The following WASHC5 variants were observed in gnomAD, a reference collection of about 807,000 sequenced individuals.
WASHC5 encodes the protein WASH complex subunit 5.
A neutral mutation model predicts 150.4 loss-of-function variants in WASHC5; 101 were observed. The observed-to-expected ratio is 0.67, with a 90% CI of 0.57 to 0.79. The LOEUF is 0.79. WASHC5 is among the 30% of genes least tolerant of loss of function. The probability of loss-of-function intolerance (pLI) is 0.00; values close to 1 mark genes in which losing one functional copy is unlikely to be tolerated. For synonymous variants in WASHC5, 467 were observed against 491.2 expected (o/e 0.95, Z 0.65); for missense variants, 1,195 against 1,396.3 (o/e 0.86, Z 2.30).
At chr8:125,084,304 C>T (rs145332533) in intron 1 of WASHC5, among the ~76,000 whole-genome samples, 4 of 152,184 alleles carry the variant, frequency 2.6e-5, no homozygotes, top group South Asian at 4.1e-4. Flanking sequence ...AACCACTGGG[C>T]ATGTGTGGTT....
rs1170652470 is a variant in WASHC5 at position 125,055,588 on chromosome 8, T to C, written c.2097+3A>G. On this transcript the variant is annotated splice_donor_region_variant and intron_variant, in intron 17 of 28. Transcript: ENST00000318410. ...AGGCCACGCAGACTAACAAAACTGTTACCTTGATGATGCCAACCAAAGTCG... is the reference window on the plus strand; with the variant it reads ...AGGCCACGCAGACTAACAAAACTGTCACCTTGATGATGCCAACCAAAGTCG... The C allele has an allele frequency of 4.8e-5, 76 of 1,592,714 alleles. No individual in the cohort carries two copies. The highest frequency in any genetic ancestry group is 6.5e-5 in the Non-Finnish European group (76 of 1,160,564).
intron 27 of WASHC5, among the ~76,000 whole-genome samples, chr8:125,030,709 C>G (rs1474159862): frequency 1.3e-5 from 2 of 150,326 alleles, no homozygotes; most frequent in Admixed American, 6.6e-5. Flanking sequence ...CACAGAGGGC[C>G]CAGAATGAAG....
At chr8:125,063,172 C>CA (rs142780726) in intron 11 of WASHC5, among the ~76,000 whole-genome samples, 3,987 of 152,206 alleles carry the variant, frequency 0.026, 176 homozygotes, top group African/African-American at 0.092. Context: ...CCCCAAATCA[C>CA]TAAACTGACA....
At chr8:125,068,446 C>T (rs1181333628) in intron 9 of WASHC5, among the ~76,000 whole-genome samples, 1 of 152,204 alleles carries the variant, frequency 6.6e-6, no homozygotes, top group African/African-American at 2.4e-5. Context: ...CCCTGTGGGA[C>T]TCCACTGGGA....
intron 27 of WASHC5, among the ~76,000 whole-genome samples, chr8:125,028,945 G>A (rs533496633): frequency 6.6e-6 from 1 of 151,738 alleles, no homozygotes; most frequent in East Asian, 1.9e-4. Context: ...TTTACAACAC[G>A]ATCCCTGCTA....
chr8:125,026,161 A>G (rs78559878), intron 28 of WASHC5, among the ~76,000 whole-genome samples: 93 of 152,346 alleles, frequency 6.1e-4, no homozygotes, highest in African/African-American at 2.2e-3. Flanking sequence ...CACCAACCTG[A>G]TAAGTGGAAA....
chr8:125,074,919 G>T, intron 8 of WASHC5, 79 bp downstream of exon 8: 1 of 862,198 alleles, frequency 1.2e-6, no homozygotes, highest in Non-Finnish European at 2.0e-6. Context: ...CAAATTCCTT[G>T]GGAAATCTAC....
intron 18 of WASHC5, among the ~76,000 whole-genome samples, chr8:125,049,841 A>C (rs1411917123): frequency 6.6e-6 from 1 of 152,122 alleles, no homozygotes; most frequent in East Asian, 1.9e-4. Context: ...ACTTTGTCTC[A>C]ATCAATCAAT....
intron 24 of WASHC5, among the ~76,000 whole-genome samples, 153 bp downstream of exon 24, chr8:125,039,642 G>A (rs1342907923): frequency 6.6e-6 from 1 of 152,102 alleles, no homozygotes; most frequent in Non-Finnish European, 1.5e-5. Context: ...AAGAGGCTCC[G>A]AAGACAGATT....
At chr8:125,030,258 G>C (rs1815488435) in intron 27 of WASHC5, among the ~76,000 whole-genome samples, 1 of 152,166 alleles carries the variant, frequency 6.6e-6, no homozygotes, top group Non-Finnish European at 1.5e-5. Context: ...CCTCCTCTCT[G>C]GGAGCCTGGG....
At chr8:125,071,702 T>C (rs1341093398) in intron 9 of WASHC5, among the ~76,000 whole-genome samples, 1 of 152,192 alleles carries the variant, frequency 6.6e-6, no homozygotes, top group Non-Finnish European at 1.5e-5. Flanking sequence ...ACCTGGTGTC[T>C]GTTTACTGCC....
rs755321757 is a variant in WASHC5, at chr8:125,038,886, A to G, written c.3028T>C (p.Leu1010=). The change falls in exon 25 of 29, where the codon TTA becomes CTA. Residue 1010 remains leucine, a synonymous_variant. Transcript: ENST00000318410. ...LPYPKEDNTL[L]YEITAYLEAA... ...TCCAGATAGGCTGTGATTTCATATA[A>G]AAGTGTGTTATCTTCTTTGGGGTAA... 1 of 1,614,118 alleles carries G rather than the reference A, an allele frequency of 6.2e-7. No homozygotes were observed. The highest frequency in any genetic ancestry group is 8.5e-7 in the Non-Finnish European group (1 of 1,179,954).
intron 1 of WASHC5, among the ~76,000 whole-genome samples, chr8:125,084,515 T>C (rs1817361326): frequency 6.6e-6 from 1 of 152,248 alleles, no homozygotes. Context: ...TGCTAGGTTC[T>C]GCAAAATTCT....
intron 27 of WASHC5, among the ~76,000 whole-genome samples, chr8:125,028,928 A>G (rs1001839492): frequency 6.6e-6 from 1 of 152,076 alleles, no homozygotes; most frequent in African/African-American, 2.4e-5. Flanking sequence ...TACGGTTTCC[A>G]TGGGCGTTTA....
intron 10 of WASHC5, among the ~76,000 whole-genome samples, chr8:125,066,569 C>T (rs1489326017): frequency 2.0e-5 from 3 of 152,162 alleles, no homozygotes; most frequent in Non-Finnish European, 4.4e-5. Flanking sequence ...GCCTGAAGTC[C>T]TCAAGATGAC....
intron 25 of WASHC5, among the ~76,000 whole-genome samples, chr8:125,038,615 T>C (rs546173515): frequency 2.1e-4 from 32 of 152,198 alleles, no homozygotes; most frequent in Non-Finnish European, 3.5e-4. Context: ...CCCTTTGTCA[T>C]GAGCTTTCAC....
At chr8:125,088,764 C>G (rs772178996) in intron 1 of WASHC5, among the ~76,000 whole-genome samples, 3 of 152,126 alleles carry the variant, frequency 2.0e-5, no homozygotes, top group Non-Finnish European at 4.4e-5. Flanking sequence ...CCCTACCCTC[C>G]GGACCATAGA....
chr8:125,086,541 G>T (rs7008915), intron 1 of WASHC5, among the ~76,000 whole-genome samples: 53,051 of 151,990 alleles, frequency 0.35, 11,478 homozygotes, highest in African/African-American at 0.6. Flanking sequence ...CTTAACCACC[G>T]CCTTAAAAAT....
intron 14 of WASHC5, among the ~76,000 whole-genome samples, chr8:125,058,472 C>T (rs1336553581): frequency 6.6e-6 from 1 of 152,014 alleles, no homozygotes; most frequent in Admixed American, 6.6e-5. Context: ...GTAGGCTGGG[C>T]GTGGGGGCTC....
Sources: allele counts gnomAD v4.1 joint callset (sites outside exome capture counted in the v4.1 genomes callset), GRCh38; gene constraint gnomAD v4.1.1; transcripts MANE v1.5; gene names NCBI Gene and HGNC (gene_info 2026-07-23, HGNC 2026-07-21).